Variants in DROSHA observed in about 807,000 individuals in gnomAD.
DROSHA encodes drosha ribonuclease III.
DROSHA carries 56 observed loss-of-function variants against 181.9 expected under a neutral mutation model. That is an observed-to-expected ratio of 0.31 (90% CI 0.25 to 0.38). The LOEUF is 0.38. Among genes scored for constraint, DROSHA ranks in the 10% least tolerant of loss-of-function variants. DROSHA has a pLI of 1.00. For missense variants in DROSHA, 1,218 were observed against 1,743.5 expected (o/e 0.70, Z 5.37); for synonymous variants, 524 against 591.2 (o/e 0.89, Z 1.65).
chr5:31,472,750 C>A (rs1412784369), intron 16 of DROSHA, among the ~76,000 whole-genome samples: 1 of 152,142 alleles, frequency 6.6e-6, no homozygotes, highest in African/African-American at 2.4e-5. Flanking sequence ...GCTGCACCTG[C>A]CATGATGAAC....
Position 31,466,168 on chromosome 5 carries a change from A to C in DROSHA, c.2466+14T>G. 1 of 1,611,432 alleles carries C rather than the reference A, an allele frequency of 6.2e-7. No homozygotes were observed. The highest frequency in any genetic ancestry group is 1.1e-5 in the South Asian group (1 of 90,990). On this transcript the variant is annotated intron_variant, in intron 19 of 35. Coordinates refer to ENST00000344624, the MANE Select transcript of DROSHA (RefSeq NM_001382508.1). ...ATCATCGTTAATCACCAAGGAATGG[A>C]GTTTGATACAGACCTCCCTCTGTGC... is the stretch of plus-strand genomic sequence containing the variant.
Position 31,470,878 on chromosome 5 carries a change from T to C in DROSHA, c.2241+1185A>G, listed in dbSNP as rs1749649565. Among the ~76,000 whole-genome samples the C allele has an allele frequency of 6.6e-6, 1 of 152,130 alleles. No individual in the cohort carries two copies. ...CTGCCACCACCACCGCCCCATCCTC[T>C]GACTCAGCATGAAAAGTGACAGAGG... On this transcript the variant is annotated intron_variant, in intron 17 of 35. Transcript: ENST00000344624. The surrounding 1 kb of genome is among the most constrained non-coding windows in gnomAD (Gnocchi z 4.0).
chr5:31,526,446 G>C lies in DROSHA; in HGVS notation c.487C>G (p.Gln163Glu), dbSNP rs752155947. 1.9e-6 allele frequency: 3 copies of C among 1,612,164 alleles called. No homozygotes were observed. In the Admixed American group the frequency reaches 5.0e-5, roughly 27 times the overall value. The stretch of plus-strand genomic sequence containing the variant: ...CCCGGAGGGTACTGATAATTAACCT[G>C]CTGCGGCATGACTGGAGGGGGCGGG... ...HPPPPPVMPQQVNYQYPPGYS... is the reference protein window; with the variant it reads ...HPPPPPVMPQEVNYQYPPGYS... The change falls in exon 5 of 36, where the codon CAG becomes GAG. Residue 163 changes from glutamine (Q) to glutamate (E), a missense_variant. By Grantham distance (29) the Gln-to-Glu change is conservative (BLOSUM62 2). This residue lies in a region of DROSHA where 536 missense variants were observed against 535.4 expected (regional missense o/e 1.00). Transcript: ENST00000344624.
At chr5:31,474,087 G>C (rs1484735243) in intron 16 of DROSHA, among the ~76,000 whole-genome samples, 1 of 152,182 alleles carries the variant, frequency 6.6e-6, no homozygotes, top group Non-Finnish European at 1.5e-5. Context: ...ATGAATCTTT[G>C]TAGATAACAC....
intron 29 of DROSHA, chr5:31,421,888 A>C (rs1206489549): frequency 2.4e-5 from 2 of 84,346 alleles, no homozygotes; most frequent in African/African-American, 1.1e-4. Context: ...AAAAAAAAAA[A>C]AAAAAAATAT....
chr5:31,488,499 G>GA, intron 13 of DROSHA, among the ~76,000 whole-genome samples: 1 of 151,364 alleles, frequency 6.6e-6, no homozygotes, highest in South Asian at 2.1e-4. Flanking sequence ...TTAGCTTCTA[G>GA]AAAAATGGAG....
At chr5:31,505,907 TATTA>T (rs1737878716) in intron 10 of DROSHA, 1 of 152,114 alleles carries the variant, frequency 6.6e-6, no homozygotes, top group East Asian at 1.9e-4. Flanking sequence ...AAAAAAAAAG[TATTA>T]AAGTAAAAAG....
At chr5:31,426,095 A>T (rs1381618790) in intron 27 of DROSHA, among the ~76,000 whole-genome samples, 1 of 152,110 alleles carries the variant, frequency 6.6e-6, no homozygotes, top group Non-Finnish European at 1.5e-5. Context: ...TACCGAAACA[A>T]GACTGTGATT....
chr5:31,453,997 A>G (rs1393084044), intron 20 of DROSHA, among the ~76,000 whole-genome samples: 1 of 152,078 alleles, frequency 6.6e-6, no homozygotes, highest in Non-Finnish European at 1.5e-5. Context: ...ATGAAAGACC[A>G]ATGAATATTA....
At chr5:31,500,589 T>C (rs1753481456) in intron 11 of DROSHA, among the ~76,000 whole-genome samples, 1 of 152,296 alleles carries the variant, frequency 6.6e-6, no homozygotes, top group East Asian at 1.9e-4. Context: ...CAAATAATCA[T>C]GTTGCATGGG....
chr5:31,401,509 G>T lies in DROSHA; in HGVS notation c.4048C>A (p.Gln1350Lys). Residue 1350 changes from glutamine to lysine, a missense_variant, in exon 36 of 36, where the codon CAA (glutamine) becomes AAA (lysine). Gln to Lys is a moderately conservative substitution (Grantham distance 53, BLOSUM62 1). This residue lies in a region of DROSHA where 32 missense variants were observed against 29.2 expected (regional missense o/e 1.09). Coordinates refer to ENST00000344624, the MANE Select transcript of DROSHA (RefSeq NM_001382508.1). The part of the protein sequence containing the change: ...QKRFIERKYR[Q>K]ELKEMRWERE... Reference sequence around the variant, plus strand: ...TCCCACCTCATTTCTTTTAACTCTTGTCTGTACTTCCGTTCGATGAACCGC... The same window carrying T: ...TCCCACCTCATTTCTTTTAACTCTTTTCTGTACTTCCGTTCGATGAACCGC... The T allele has an allele frequency of 1.2e-6, 2 of 1,611,796 alleles. No homozygotes were observed. Among genetic ancestry groups the T allele is most frequent in the Non-Finnish European group, 1.7e-6 (2 of 1,178,840 alleles).
chr5:31,420,253 A>G (rs908922413), intron 30 of DROSHA, among the ~76,000 whole-genome samples: 3 of 152,244 alleles, frequency 2.0e-5, no homozygotes, highest in African/African-American at 4.8e-5. Flanking sequence ...ATTTGCTTCA[A>G]CATACTAAAG....
At chr5:31,498,507 G>A (rs965568809) in intron 11 of DROSHA, among the ~76,000 whole-genome samples, 5 of 152,154 alleles carry the variant, frequency 3.3e-5, no homozygotes, top group African/African-American at 1.2e-4. Context: ...AATCGAAAAG[G>A]TCAGAAATGA....
In DROSHA at chr5:31,431,680, T is replaced by C. The variant is rs754121169; in HGVS notation, c.3043-2A>G. ...CATAAATCGATCCAGTTCAAGTTTCTACAAAATTCACAATGACAAAACGTA... is the reference window on the plus strand; with the variant it reads ...CATAAATCGATCCAGTTCAAGTTTCCACAAAATTCACAATGACAAAACGTA... On this transcript the variant is annotated splice_acceptor_variant, in intron 25 of 35. Transcript: ENST00000344624. LOFTEE classifies it high-confidence loss of function. 4.3e-6 allele frequency: 7 copies of C among 1,613,646 alleles called. No individual in the cohort carries two copies. Among genetic ancestry groups the C allele is most frequent in the South Asian group, 1.1e-5 (1 of 90,990 alleles).
intron 16 of DROSHA, among the ~76,000 whole-genome samples, chr5:31,480,625 G>A (rs557826500): frequency 6.6e-6 from 1 of 152,238 alleles, no homozygotes; most frequent in Admixed American, 6.5e-5. Context: ...TTATAAAAAT[G>A]AGAGATAATA....
At chr5:31,486,785 C>A (rs1390371124) in intron 13 of DROSHA, 6 of 434,204 alleles carry the variant, frequency 1.4e-5, no homozygotes, top group Non-Finnish European at 2.5e-5. Flanking sequence ...TAATGTGGTG[C>A]TTAATTAACA....
At chr5:31,424,097 T>C (rs538930733) in intron 28 of DROSHA, among the ~76,000 whole-genome samples, 2 of 152,330 alleles carry the variant, frequency 1.3e-5, no homozygotes, top group South Asian at 4.1e-4. Context: ...AAAGCAAGTG[T>C]GTAGATATAC....
At chr5:31,495,224 C>T in intron 12 of DROSHA, 62 bp downstream of exon 12, 3 of 1,489,654 alleles carry the variant, frequency 2.0e-6, no homozygotes, top group Non-Finnish European at 2.8e-6. Context: ...TAACTTTAGC[C>T]TATTCACATT....
intron 12 of DROSHA, 40 bp from the exon 13 acceptor site, chr5:31,493,333 T>A: frequency 6.5e-7 from 1 of 1,533,490 alleles, no homozygotes; most frequent in Non-Finnish European, 8.8e-7. Flanking sequence ...ATTAAATAAA[T>A]GACATGAGTT....
Sources: allele counts gnomAD v4.1 joint callset (sites outside exome capture counted in the v4.1 genomes callset), GRCh38; gene constraint gnomAD v4.1.1; regional missense constraint gnomAD v4.1.1; non-coding constraint Gnocchi (gnomAD v3.1); transcripts MANE v1.5; gene names NCBI Gene and HGNC (gene_info 2026-07-23, HGNC 2026-07-21).